Variants in TRERF1 observed in about 807,000 individuals in gnomAD.
The protein encoded by TRERF1 is transcriptional-regulating factor 1.
A neutral mutation model predicts 122.9 loss-of-function variants in TRERF1; 27 were observed. That is an observed-to-expected ratio of 0.22 (90% CI 0.16 to 0.30). The LOEUF is 0.30. TRERF1 is among the 10% of genes least tolerant of loss of function. The probability of loss-of-function intolerance (pLI) is 1.00; values close to 1 mark genes in which losing one functional copy is unlikely to be tolerated. For missense variants in TRERF1, 1,248 were observed against 1,560.3 expected (o/e 0.80, Z 3.37); for synonymous variants, 636 against 641.7 (o/e 0.99, Z 0.13).
At chr6:42,416,484 A>C (rs1781857528) in intron 2 of TRERF1, among the ~76,000 whole-genome samples, 1 of 152,226 alleles carries the variant, frequency 6.6e-6, no homozygotes, top group Non-Finnish European at 1.5e-5. Context: ...CTTTAATACA[A>C]TGAATTTTTA....
chr6:42,251,740 C>T (rs899691908), intron 13 of TRERF1, among the ~76,000 whole-genome samples: 2 of 152,128 alleles, frequency 1.3e-5, no homozygotes, highest in African/African-American at 4.8e-5. Flanking sequence ...AGAGACAAGG[C>T]CTCTCCAATG....
At chr6:42,441,404 CA>C (rs1786499138) in intron 2 of TRERF1, among the ~76,000 whole-genome samples, 2 of 152,124 alleles carry the variant, frequency 1.3e-5, no homozygotes, top group Non-Finnish European at 2.9e-5. Flanking sequence ...CCAGCACAGA[CA>C]GAAATATAGA....
At chr6:42,265,959 C>T (rs1164959664) in intron 5 of TRERF1, among the ~76,000 whole-genome samples, 162 bp from the exon 6 acceptor site, 1 of 152,192 alleles carries the variant, frequency 6.6e-6, no homozygotes, top group African/African-American at 2.4e-5. Context: ...CCTCACTCTT[C>T]TGCAATTGAC....
intron 3 of TRERF1, among the ~76,000 whole-genome samples, chr6:42,357,439 G>A (rs60932335): frequency 0.051 from 7,734 of 151,808 alleles, 483 homozygotes; most frequent in East Asian, 0.18. Context: ...AAACGGTAAC[G>A]CTTTGCCTAA....
At chr6:42,257,068 T>C (rs1234028754) in exon 11 of TRERF1, 5 of 1,614,218 alleles carry the variant, frequency 3.1e-6, no homozygotes, top group Non-Finnish European at 4.2e-6. Flanking sequence ...AGTTCAGGGA[T>C]TTCTGCTTGG....
At chr6:42,407,317 A>T (rs976455373) in intron 2 of TRERF1, among the ~76,000 whole-genome samples, 4 of 152,150 alleles carry the variant, frequency 2.6e-5, no homozygotes, top group African/African-American at 9.7e-5. Flanking sequence ...TTTCACCGTT[A>T]TTCGCAATGA....
chr6:42,413,621 G>A (rs1395727337), intron 2 of TRERF1, among the ~76,000 whole-genome samples: 1 of 151,914 alleles, frequency 6.6e-6, no homozygotes, highest in Non-Finnish European at 1.5e-5. Context: ...GTAGAGATGG[G>A]GTTTCACCAT....
chr6:42,238,658 G>C (rs1772833532), intron 15 of TRERF1, among the ~76,000 whole-genome samples: 1 of 152,090 alleles, frequency 6.6e-6, no homozygotes, highest in Non-Finnish European at 1.5e-5. Context: ...AGAGTTTCTT[G>C]AGGAGGATAT....
At chr6:42,302,288 C>CA (rs1256315055) in intron 3 of TRERF1, among the ~76,000 whole-genome samples, 1 of 151,636 alleles carries the variant, frequency 6.6e-6, no homozygotes, top group African/African-American at 2.4e-5. Flanking sequence ...CAGCTAGCTC[C>CA]AAAAAAAACC....
chr6:42,429,949 G>C (rs1784236004), intron 2 of TRERF1, among the ~76,000 whole-genome samples: 1 of 152,130 alleles, frequency 6.6e-6, no homozygotes, highest in Non-Finnish European at 1.5e-5. Flanking sequence ...TCTGAGCCAA[G>C]ACTTGAAAGA....
At chr6:42,361,808 T>C (rs1254993365) in intron 3 of TRERF1, among the ~76,000 whole-genome samples, 2 of 152,234 alleles carry the variant, frequency 1.3e-5, no homozygotes, top group African/African-American at 4.8e-5. Flanking sequence ...ACAGAGGCTC[T>C]GCCCTCCGTG....
chr6:42,255,626 C>T (rs958343551), intron 12 of TRERF1, among the ~76,000 whole-genome samples: 1 of 152,178 alleles, frequency 6.6e-6, no homozygotes, highest in African/African-American at 2.4e-5. Context: ...TGTGCACGCA[C>T]ATTGAAAGTC....
chr6:42,341,702 C>T (rs1767326491), intron 3 of TRERF1, among the ~76,000 whole-genome samples: 1 of 152,200 alleles, frequency 6.6e-6, no homozygotes, highest in East Asian at 1.9e-4. Context: ...AGCCATGGAG[C>T]CCACAGCCTT....
chr6:42,340,351 G>A (rs1226397362), intron 3 of TRERF1, among the ~76,000 whole-genome samples: 1 of 152,136 alleles, frequency 6.6e-6, no homozygotes, highest in Non-Finnish European at 1.5e-5. Context: ...AGGGATGAGG[G>A]TTCACCAGGC....
chr6:42,298,317 G>A (rs1422353092), intron 4 of TRERF1, among the ~76,000 whole-genome samples: 2 of 151,500 alleles, frequency 1.3e-5, no homozygotes, highest in Non-Finnish European at 2.9e-5. Context: ...CACCACACCT[G>A]GCCAATTTTT....
chr6:42,315,807 C>G (rs757572401), intron 3 of TRERF1, among the ~76,000 whole-genome samples: 2 of 148,468 alleles, frequency 1.3e-5, no homozygotes, highest in Admixed American at 6.8e-5. Context: ...CAGGTTGGGA[C>G]CAGTGTGCAG....
At chr6:42,386,083 C>T (rs542765995) in intron 2 of TRERF1, among the ~76,000 whole-genome samples, 4 of 152,280 alleles carry the variant, frequency 2.6e-5, no homozygotes, top group Non-Finnish European at 4.4e-5. Flanking sequence ...TCACCAGGTG[C>T]GGTGGCTCAC....
chr6:42,306,506 C>T (rs749369692), intron 3 of TRERF1, among the ~76,000 whole-genome samples: 2 of 152,224 alleles, frequency 1.3e-5, no homozygotes, highest in East Asian at 3.9e-4. Flanking sequence ...CAAACACTGA[C>T]AGCATGTCAG....
At chr6:42,451,399 G>T (rs1460822194) in intron 1 of TRERF1, 138 bp from the exon 2 acceptor site, 1 of 152,050 alleles carries the variant, frequency 6.6e-6, no homozygotes. Context: ...CCTCTCCCCA[G>T]CAGGGAACCT....
Sources: allele counts gnomAD v4.1 joint callset (sites outside exome capture counted in the v4.1 genomes callset), GRCh38; gene constraint gnomAD v4.1.1; transcripts MANE v1.5; gene names NCBI Gene and HGNC (gene_info 2026-07-23, HGNC 2026-07-21).